The following ZNF782 variants were observed in gnomAD, a reference collection of about 807,000 sequenced individuals.
ZNF782 encodes zinc finger protein 782.
A neutral mutation model predicts 13.0 loss-of-function variants in ZNF782; 12 were observed. That is an observed-to-expected ratio of 0.92 (90% confidence interval 0.59 to 1.50). The LOEUF is 1.50. ZNF782 is among the 40% of genes most tolerant of loss of function. The pLI, the probability that ZNF782 is intolerant of heterozygous loss-of-function variation, is 0.00. For missense variants in ZNF782, 770 were observed against 822.9 expected (o/e 0.94, Z 0.79); for synonymous variants, 284 against 283.0 (o/e 1.00, Z -0.04).
rs149041119 is a variant in ZNF782, at chr9:96,868,368, C to G, written c.-456-6765G>C. Among the ~76,000 whole-genome samples the G allele has an allele frequency of 5.9e-5, 9 of 152,302 alleles. 1 individual carries two copies. The highest frequency in any genetic ancestry group is 2.2e-4 in the African/African-American group (9 of 41,548). On this transcript the variant is annotated intron_variant, in intron 1 of 5. Coordinates refer to the ZNF782 transcript ENST00000498811. Reference sequence around the variant, plus strand: ...GTCTACAATGTGTGTTATCATAGGTCTTGGAGCAAATATCACGTAAATGAA... The same window carrying G: ...GTCTACAATGTGTGTTATCATAGGTGTTGGAGCAAATATCACGTAAATGAA...
chr9:96,931,831 C>G, the ZNF782 span: 4 of 1,612,350 alleles, frequency 2.5e-6, no homozygotes, highest in East Asian at 2.2e-5. Flanking sequence ...ACAGGCCGCC[C>G]CTCGTGACTG....
At chr9:96,827,509 T>G (rs77964250) in intron 4 of ZNF782, among the ~76,000 whole-genome samples, 1,814 of 152,232 alleles carry the variant, frequency 0.012, 48 homozygotes, top group African/African-American at 0.041. Context: ...TTTTAAAGTT[T>G]TTTTGTAAAG....
the ZNF782 span, among the ~76,000 whole-genome samples, chr9:96,881,549 A>T: frequency 6.6e-6 from 1 of 152,156 alleles, no homozygotes; most frequent in Non-Finnish European, 1.5e-5. Flanking sequence ...ATGGAAAAAA[A>T]TTAAAGACTA....
chr9:96,887,342 A>AAGGAAGGAAGGAAGGAAGG, the ZNF782 span: 2 of 107,736 alleles, frequency 1.9e-5, no homozygotes, highest in African/African-American at 3.6e-5. Flanking sequence ...AGGAAGGAAG[A>AAGGAAGGAAGGAAGGAAGG]AAGAAAGAAA....
chr9:96,830,323 G>A (rs914197082), intron 4 of ZNF782, among the ~76,000 whole-genome samples: 2 of 133,896 alleles, frequency 1.5e-5, no homozygotes, highest in African/African-American at 8.1e-5. Context: ...ATGTGAGAGA[G>A]GGCTGACGGG....
the ZNF782 span, among the ~76,000 whole-genome samples, chr9:96,925,259 G>T: frequency 6.6e-6 from 1 of 151,848 alleles, no homozygotes; most frequent in African/African-American, 2.4e-5. Context: ...AGGAGATGGG[G>T]AAATGGAGGG....
In ZNF782 at chr9:96,867,127, A is replaced by G. The variant is rs147211556; in HGVS notation, c.-456-5524T>C. 4.6e-3 allele frequency among the ~76,000 whole-genome samples: 708 copies of G among 152,294 alleles called. 4 individuals are homozygous for G. The highest frequency in any genetic ancestry group is 0.044 in the Middle Eastern group (13 of 294). On this transcript the variant is annotated intron_variant, in intron 1 of 5. Transcript: ENST00000498811. ...ATGATTGGTTTTGAAATGTGAGGAC[A>G]TGAGATTTGGGAGGGACCAGGACAG...
At chr9:96,824,845 C>A (rs1465931082) in intron 5 of ZNF782, among the ~76,000 whole-genome samples, 2 of 147,582 alleles carry the variant, frequency 1.4e-5, no homozygotes, top group Admixed American at 6.7e-5. Context: ...ATCCAACTTA[C>A]AAGGGATGTG....
chr9:96,867,779 G>C (rs1851777140), intron 1 of ZNF782, among the ~76,000 whole-genome samples: 1 of 152,144 alleles, frequency 6.6e-6, no homozygotes, highest in Non-Finnish European at 1.5e-5. Flanking sequence ...CATCAGCATG[G>C]GTGCATTAGA....
At chr9:96,877,296 T>C (rs1001281273), upstream of ZNF782, among the ~76,000 whole-genome samples, 4 of 152,190 alleles carry the variant, frequency 2.6e-5, no homozygotes, top group Admixed American at 1.3e-4. Context: ...TCCCAGCAAC[T>C]TTCCTGGGGG....
the ZNF782 span, among the ~76,000 whole-genome samples, chr9:96,898,333 A>C: frequency 1.4e-5 from 2 of 147,972 alleles, 1 homozygote; most frequent in East Asian, 4.6e-4. Context: ...CCTGGTACCC[A>C]CCAATCTGCT....
intron 4 of ZNF782, among the ~76,000 whole-genome samples, chr9:96,829,498 A>C (rs1850730459): frequency 6.6e-6 from 1 of 152,188 alleles, no homozygotes; most frequent in Non-Finnish European, 1.5e-5. Flanking sequence ...AACTGGAAGA[A>C]TAACCAAATC....
chr9:96,843,640 C>A (rs992548440), intron 4 of ZNF782, among the ~76,000 whole-genome samples: 1 of 152,118 alleles, frequency 6.6e-6, no homozygotes, highest in Non-Finnish European at 1.5e-5. Flanking sequence ...TAAAATGGCA[C>A]AGAGCTATTC....
At chr9:96,862,491 A>ATAC (rs1851712636) in intron 1 of ZNF782, among the ~76,000 whole-genome samples, 2 of 152,330 alleles carry the variant, frequency 1.3e-5, no homozygotes, top group South Asian at 4.1e-4. Context: ...CCATAAATAC[A>ATAC]TACACCTACA....
the ZNF782 span, chr9:96,888,531 A>G: frequency 6.6e-6 from 1 of 152,374 alleles, no homozygotes; most frequent in African/African-American, 2.4e-5. Context: ...AATGGAGTGA[A>G]TAATATAAAA....
At chr9:96,920,509 G>A in the ZNF782 span, among the ~76,000 whole-genome samples, 176 of 147,760 alleles carry the variant, frequency 1.2e-3, 3 homozygotes, top group Middle Eastern at 0.022. Flanking sequence ...CTCATGATCC[G>A]CCCGCCTCGG....
chr9:96,866,673 G>A (rs567141306), intron 1 of ZNF782, among the ~76,000 whole-genome samples: 45 of 152,264 alleles, frequency 3.0e-4, no homozygotes, highest in Admixed American at 1.3e-3. Flanking sequence ...AGCCTGCACC[G>A]TGTGCCTGGA....
At chr9:96,829,022 A>G (rs536630433) in intron 4 of ZNF782, among the ~76,000 whole-genome samples, 30 of 151,948 alleles carry the variant, frequency 2.0e-4, no homozygotes, top group Non-Finnish European at 4.0e-4. Context: ...TGATACTTTT[A>G]AAGTACTTAA....
At chr9:96,867,129 G>A (rs1250926809) in intron 1 of ZNF782, among the ~76,000 whole-genome samples, 1 of 152,200 alleles carries the variant, frequency 6.6e-6, no homozygotes, top group Non-Finnish European at 1.5e-5. Flanking sequence ...GTGAGGACAT[G>A]AGATTTGGGA....
Sources: allele counts gnomAD v4.1 joint callset (sites outside exome capture counted in the v4.1 genomes callset), GRCh38; gene constraint gnomAD v4.1.1; transcripts MANE v1.5; gene names NCBI Gene and HGNC (gene_info 2026-07-23, HGNC 2026-07-21).